ST6GALNAC3: variants seen among roughly 807,000 people sequenced by gnomAD.
ST6GALNAC3 encodes ST6 N-acetylgalactosaminide alpha-2,6-sialyltransferase 3.
ST6GALNAC3 carries 25 observed loss-of-function variants against 32.7 expected under a neutral mutation model. The observed-to-expected ratio is 0.76, with a 90% confidence interval of 0.56 to 1.07. ST6GALNAC3 has a LOEUF of 1.07. Among genes scored for constraint, ST6GALNAC3 ranks in the 50% least tolerant of loss-of-function variants. The pLI is 0.00. For synonymous variants in ST6GALNAC3, 129 were observed against 133.1 expected, an observed-to-expected ratio of 0.97 and a Z score of 0.21; for missense variants, 355 against 382.4, an observed-to-expected ratio of 0.93 and a Z score of 0.60.
chr1:76,499,019 A>C (rs1661021016), intron 3 of ST6GALNAC3, among the ~76,000 whole-genome samples: 1 of 152,190 alleles, frequency 6.6e-6, no homozygotes, highest in African/African-American at 2.4e-5. Context: ...AACAGGGTTA[A>C]TTTTCTTAAT....
intron 1 of ST6GALNAC3, among the ~76,000 whole-genome samples, chr1:76,274,639 C>G (rs1011184978): frequency 6.6e-6 from 1 of 152,148 alleles, no homozygotes; most frequent in Non-Finnish European, 1.5e-5. Flanking sequence ...TTATTAAATT[C>G]TCATATTATT....
chr1:76,596,400 G>T (rs1328170085), intron 3 of ST6GALNAC3, among the ~76,000 whole-genome samples: 1 of 152,164 alleles, frequency 6.6e-6, no homozygotes, highest in Non-Finnish European at 1.5e-5. Flanking sequence ...GCACATAGTA[G>T]TTGCTCAATA....
chr1:76,288,819 T>C (rs1659918963), intron 1 of ST6GALNAC3, among the ~76,000 whole-genome samples: 1 of 152,136 alleles, frequency 6.6e-6, no homozygotes, highest in Non-Finnish European at 1.5e-5. Flanking sequence ...GAGCTCTATT[T>C]TGGGAGTCCT....
At chr1:76,571,885 C>A (rs1420953626) in intron 3 of ST6GALNAC3, among the ~76,000 whole-genome samples, 1 of 151,916 alleles carries the variant, frequency 6.6e-6, no homozygotes, top group Non-Finnish European at 1.5e-5. Context: ...ATTTAATACC[C>A]TATTAAGAAA....
chr1:76,318,848 G>A (rs1292283453), intron 2 of ST6GALNAC3, among the ~76,000 whole-genome samples: 1 of 152,120 alleles, frequency 6.6e-6, no homozygotes, highest in Non-Finnish European at 1.5e-5. Flanking sequence ...AAGGACTAAG[G>A]TAGTCCAGGG....
chr1:76,413,857 G>A (rs1226193279), intron 3 of ST6GALNAC3, among the ~76,000 whole-genome samples: 1 of 152,050 alleles, frequency 6.6e-6, no homozygotes, highest in East Asian at 1.9e-4. Flanking sequence ...TTCACAAAGG[G>A]CTTTGGAAAT....
At chr1:76,457,488 C>CTA (rs1375131452) in intron 3 of ST6GALNAC3, among the ~76,000 whole-genome samples, 3 of 150,908 alleles carry the variant, frequency 2.0e-5, no homozygotes, top group Admixed American at 6.6e-5. Context: ...AAGTAACCAA[C>CTA]TATACTACAA....
chr1:76,210,943 C>T (rs112045990), intron 1 of ST6GALNAC3, among the ~76,000 whole-genome samples: 8,515 of 152,206 alleles, frequency 0.056, 236 homozygotes, highest in African/African-American at 0.073. Context: ...GACAGGATCT[C>T]CAACTCCTGA....
intron 3 of ST6GALNAC3, among the ~76,000 whole-genome samples, chr1:76,490,536 A>G (rs149726328): frequency 8.3e-4 from 125 of 150,654 alleles, no homozygotes; most frequent in Admixed American, 1.6e-3. Context: ...ATGTATCTCA[A>G]GTGTTTTGAA....
rs914258856 is a variant in ST6GALNAC3 at position 76,450,787 on chromosome 1, A to T, written c.623+38370A>T. On this transcript the variant is annotated intron_variant, in intron 3 of 4. Coordinates refer to ENST00000328299, the MANE Select transcript of ST6GALNAC3 (RefSeq NM_152996.4). ...CTACATGTGGTTTGCCAATTATCCCAGCACCATTTGTTGAATAGGGGGTCC... is the reference window on the plus strand; with the variant it reads ...CTACATGTGGTTTGCCAATTATCCCTGCACCATTTGTTGAATAGGGGGTCC... 1.1e-4 allele frequency among the ~76,000 whole-genome samples: 17 copies of T among 152,328 alleles called. No homozygotes were observed. The East Asian group carries it at 1.5e-3, about 14-fold the overall frequency.
chr1:76,499,712 G>T (rs1379467348), intron 3 of ST6GALNAC3, among the ~76,000 whole-genome samples: 1 of 152,010 alleles, frequency 6.6e-6, no homozygotes, highest in Non-Finnish European at 1.5e-5. Flanking sequence ...CTCCCTCTTA[G>T]TGTGCAAGAG....
intron 1 of ST6GALNAC3, among the ~76,000 whole-genome samples, chr1:76,212,339 T>C (rs2100577431): frequency 6.6e-6 from 1 of 152,322 alleles, no homozygotes; most frequent in East Asian, 1.9e-4. Flanking sequence ...AAATTGGTGT[T>C]TTCTGGACCA....
At chr1:76,455,909 G>A (rs1392447691) in intron 3 of ST6GALNAC3, among the ~76,000 whole-genome samples, 2 of 152,122 alleles carry the variant, frequency 1.3e-5, no homozygotes, top group African/African-American at 4.8e-5. Context: ...TTTATGGCTG[G>A]ATGTGGTGGT....
At chr1:76,537,923 C>T (rs1174615388) in intron 3 of ST6GALNAC3, among the ~76,000 whole-genome samples, 1 of 152,046 alleles carries the variant, frequency 6.6e-6, no homozygotes, top group Non-Finnish European at 1.5e-5. Flanking sequence ...GATTCACAGC[C>T]GAATTCTACC....
intron 2 of ST6GALNAC3, among the ~76,000 whole-genome samples, chr1:76,335,463 ACT>A (rs1182173207): frequency 6.6e-6 from 1 of 151,408 alleles, no homozygotes; most frequent in Non-Finnish European, 1.5e-5. Flanking sequence ...ACACACTCAC[ACT>A]CAGTCAGATT....
intron 4 of ST6GALNAC3, 23 bp downstream of exon 4, chr1:76,627,582 T>C (rs770418213): frequency 4.0e-6 from 6 of 1,510,166 alleles, no homozygotes; most frequent in Non-Finnish European, 4.6e-6. Context: ...GAAATTATTT[T>C]TATGCAGCTC....
chr1:76,623,254 G>A (rs185106469), intron 3 of ST6GALNAC3, among the ~76,000 whole-genome samples: 34 of 152,068 alleles, frequency 2.2e-4, no homozygotes, highest in Admixed American at 7.9e-4. Context: ...GTAAATTTAA[G>A]TAGTTTCCAA....
intron 1 of ST6GALNAC3, among the ~76,000 whole-genome samples, chr1:76,147,218 A>T (rs188539401): frequency 6.6e-6 from 1 of 152,006 alleles, no homozygotes; most frequent in African/African-American, 2.4e-5. Context: ...ACCTGCCACC[A>T]TGCCCAGCTA....
At chr1:76,180,388 A>ATGT (rs1257036188) in intron 1 of ST6GALNAC3, among the ~76,000 whole-genome samples, 5 of 152,180 alleles carry the variant, frequency 3.3e-5, no homozygotes, top group African/African-American at 1.2e-4. Flanking sequence ...CACTAAAAAT[A>ATGT]TGTTATTATT....
Sources: allele counts gnomAD v4.1 joint callset (sites outside exome capture counted in the v4.1 genomes callset), GRCh38; gene constraint gnomAD v4.1.1; transcripts MANE v1.5; gene names NCBI Gene and HGNC (gene_info 2026-07-23, HGNC 2026-07-21).